Variants in NLGN1 observed in about 807,000 individuals in gnomAD.
NLGN1 encodes neuroligin 1.
NLGN1 carries 12 observed loss-of-function variants against 65.5 expected under a neutral mutation model. That is an observed-to-expected ratio of 0.18 (90% CI 0.12 to 0.30). NLGN1 has a LOEUF of 0.30. Among genes scored for constraint, NLGN1 ranks in the 10% least tolerant of loss-of-function variants. The probability of loss-of-function intolerance (pLI) is 1.00; values close to 1 mark genes in which losing one functional copy is unlikely to be tolerated. For missense variants in NLGN1, 750 were observed against 1,007.1 expected, an observed-to-expected ratio of 0.74 and a Z score of 3.46; for synonymous variants, 350 against 359.5, an observed-to-expected ratio of 0.97 and a Z score of 0.30.
At chr3:173,695,686 A>G in intron 3 of NLGN1, 1 of 184,984 alleles carries the variant, frequency 5.4e-6, no homozygotes, top group Non-Finnish European at 1.2e-5. Flanking sequence ...TTGCCAAACC[A>G]GTAATGTAAG....
rs1007061537 is a variant in NLGN1 at position 173,499,113 on chromosome 3, A to T, written c.-321+64035A>T. On this transcript the variant is annotated intron_variant, in intron 2 of 6. Coordinates refer to ENST00000457714, the Ensembl canonical transcript of NLGN1. ...GTTGCCATTGCTTTTGGTGTTTTAG[A>T]CATGAAGTCCTTGCCCATGCCTATG... 9.4e-3 allele frequency among the ~76,000 whole-genome samples: 1,423 copies of T among 151,274 alleles called. 22 individuals are homozygous for T. Among genetic ancestry groups the T allele is most frequent in the Middle Eastern group, 0.024 (7 of 288 alleles).
intron 4 of NLGN1, among the ~76,000 whole-genome samples, chr3:173,889,815 G>A (rs1735006264): frequency 1.3e-5 from 2 of 152,002 alleles, no homozygotes; most frequent in African/African-American, 2.4e-5. Context: ...AAAGAGATAC[G>A]GTGCATACAT....
chr3:173,706,426 G>A (rs950713832), intron 3 of NLGN1, among the ~76,000 whole-genome samples: 15 of 152,084 alleles, frequency 9.9e-5, no homozygotes, highest in Admixed American at 2.6e-4. Flanking sequence ...ATGTCTTTGC[G>A]TACTTGTTCA....
chr3:174,220,095 C>CTA (rs5854556), intron 4 of NLGN1, among the ~76,000 whole-genome samples: 1 of 151,376 alleles, frequency 6.6e-6, no homozygotes, highest in Non-Finnish European at 1.5e-5. Context: ...ACAACACTAA[C>CTA]GAAAACAGAG....
At chr3:173,623,975 T>G (rs1344427674) in intron 3 of NLGN1, among the ~76,000 whole-genome samples, 2 of 152,134 alleles carry the variant, frequency 1.3e-5, no homozygotes, top group Non-Finnish European at 2.9e-5. Context: ...CCTTTTTTCT[T>G]TTTTCAAATA....
At chr3:173,946,739 T>C (rs1012143923) in intron 4 of NLGN1, among the ~76,000 whole-genome samples, 2 of 152,210 alleles carry the variant, frequency 1.3e-5, no homozygotes, top group Admixed American at 1.3e-4. Flanking sequence ...TGTCCTCTAC[T>C]CAGTGGGACT....
chr3:173,821,081 T>A (rs1201302139), intron 4 of NLGN1, among the ~76,000 whole-genome samples: 1 of 152,134 alleles, frequency 6.6e-6, no homozygotes, highest in Admixed American at 6.5e-5. Flanking sequence ...ATAGATTTAA[T>A]TATATTCTAA....
intron 3 of NLGN1, among the ~76,000 whole-genome samples, chr3:173,667,239 G>GCACACA (rs3032837): frequency 0.053 from 7,751 of 147,390 alleles, 305 homozygotes; most frequent in African/African-American, 0.1. Context: ...ACACGCATAT[G>GCACACA]CACACACACA....
At chr3:173,563,396 A>C (rs1743101029) in intron 2 of NLGN1, among the ~76,000 whole-genome samples, 1 of 152,222 alleles carries the variant, frequency 6.6e-6, no homozygotes, top group African/African-American at 2.4e-5. Context: ...CTGTTGAAAA[A>C]ATCTAAAGGA....
At chr3:173,538,085 G>A (rs949243370) in intron 2 of NLGN1, among the ~76,000 whole-genome samples, 7 of 152,158 alleles carry the variant, frequency 4.6e-5, no homozygotes, top group Non-Finnish European at 1.0e-4. Flanking sequence ...GAAATAGGAA[G>A]CAAAAATGTT....
rs369001039 is a variant in NLGN1 at position 173,815,387 on chromosome 3, A to G, written c.646+7555A>G. Reference sequence around the variant, plus strand: ...CTCCCAAAGTGCTGGGATTACAGGCATGAGCCACCGCACCCAGCCCCATTT... The same window carrying G: ...CTCCCAAAGTGCTGGGATTACAGGCGTGAGCCACCGCACCCAGCCCCATTT... On this transcript the variant is annotated intron_variant, in intron 4 of 6. Transcript: ENST00000457714. Among the ~76,000 whole-genome samples the G allele has an allele frequency of 1.3e-5, 2 of 152,106 alleles. 1 individual carries two copies.
intron 2 of NLGN1, among the ~76,000 whole-genome samples, chr3:173,539,631 TAC>T (rs1485954884): frequency 3.4e-5 from 2 of 58,512 alleles, no homozygotes; most frequent in African/African-American, 7.8e-5. Flanking sequence ...TATTTATATA[TAC>T]ACATATATAC....
chr3:173,538,517 T>C (rs1737840547), intron 2 of NLGN1, among the ~76,000 whole-genome samples: 1 of 152,184 alleles, frequency 6.6e-6, no homozygotes. Context: ...AAATCCAGGG[T>C]AAATGTATAT....
intron 2 of NLGN1, among the ~76,000 whole-genome samples, chr3:173,529,591 C>T (rs1736208337): frequency 6.6e-6 from 1 of 151,580 alleles, no homozygotes; most frequent in Admixed American, 6.6e-5. Context: ...GTCCTGGGGG[C>T]TTGTGACTCT....
intron 3 of NLGN1, among the ~76,000 whole-genome samples, chr3:173,805,275 T>A (rs1300478382): frequency 6.6e-6 from 1 of 152,066 alleles, no homozygotes; most frequent in East Asian, 1.9e-4. Context: ...AAATGAAAAA[T>A]ATTTTTCAGA....
At chr3:173,918,243 G>T (rs1475348283) in intron 4 of NLGN1, among the ~76,000 whole-genome samples, 1 of 152,008 alleles carries the variant, frequency 6.6e-6, no homozygotes, top group Non-Finnish European at 1.5e-5. Context: ...GCTTCATTAA[G>T]TGTTGCAACA....
chr3:173,575,387 G>C (rs1745350827), intron 2 of NLGN1, among the ~76,000 whole-genome samples: 1 of 151,968 alleles, frequency 6.6e-6, no homozygotes. Flanking sequence ...ATAGATATTA[G>C]TTCCAAGAAC....
chr3:173,623,916 A>T (rs938364483), intron 3 of NLGN1, among the ~76,000 whole-genome samples: 1 of 152,166 alleles, frequency 6.6e-6, no homozygotes, highest in African/African-American at 2.4e-5. Flanking sequence ...CGTCCCATTG[A>T]CATCTATTTA....
intron 4 of NLGN1, among the ~76,000 whole-genome samples, chr3:173,935,613 C>T (rs889197673): frequency 8.7e-6 from 1 of 115,482 alleles, no homozygotes; most frequent in Non-Finnish European, 1.9e-5. Flanking sequence ...CACACACACA[C>T]ACACACACAC....
Sources: allele counts gnomAD v4.1 joint callset (sites outside exome capture counted in the v4.1 genomes callset), GRCh38; gene constraint gnomAD v4.1.1; transcripts MANE v1.5; gene names NCBI Gene and HGNC (gene_info 2026-07-23, HGNC 2026-07-21).